The following PDE1C variants were observed in gnomAD, a reference collection of about 807,000 sequenced individuals.
PDE1C encodes dual specificity calcium/calmodulin-dependent 3',5'-cyclic nucleotide phosphodiesterase 1C.
A neutral mutation model predicts 93.1 loss-of-function variants in PDE1C; 62 were observed. The ratio of observed to expected loss-of-function variants is 0.67; its 90% CI spans 0.54 to 0.82. The LOEUF (loss-of-function observed/expected upper bound fraction) is 0.82. Ranked by LOEUF, PDE1C falls within the 40% of genes least tolerant of loss-of-function variation. PDE1C has a pLI of 0.00. For missense variants in PDE1C, 742 were observed against 884.6 expected (o/e 0.84, Z 2.04); for synonymous variants, 325 against 310.1 (o/e 1.05, Z -0.50).
intron 2 of PDE1C, among the ~76,000 whole-genome samples, chr7:31,961,812 A>C (rs1248328168): frequency 1.3e-5 from 2 of 152,202 alleles, no homozygotes; most frequent in Non-Finnish European, 2.9e-5. Flanking sequence ...AAAAACCAAC[A>C]CCAATAAAAA....
chr7:31,830,140 G>A (rs1790195910), intron 11 of PDE1C, among the ~76,000 whole-genome samples: 1 of 151,364 alleles, frequency 6.6e-6, no homozygotes, highest in Non-Finnish European at 1.5e-5. Flanking sequence ...ACTAATAAAA[G>A]CTTATTTTTA....
intron 1 of PDE1C, among the ~76,000 whole-genome samples, chr7:32,305,666 G>A (rs1227924284): frequency 6.6e-6 from 1 of 152,166 alleles, no homozygotes; most frequent in African/African-American, 2.4e-5. Context: ...CTTTCCAGCT[G>A]TCCCTGTAGA....
chr7:31,996,527 A>C (rs1784751254), intron 2 of PDE1C, among the ~76,000 whole-genome samples: 1 of 152,228 alleles, frequency 6.6e-6, no homozygotes, highest in African/African-American at 2.4e-5. Context: ...ATTATAGAAT[A>C]AAGTCAGTGA....
chr7:31,770,005 C>T (rs919893775), intron 17 of PDE1C, among the ~76,000 whole-genome samples: 1 of 152,170 alleles, frequency 6.6e-6, no homozygotes. Context: ...AGTGGCTGCA[C>T]CATTTTACAT....
intron 16 of PDE1C, 139 bp downstream of exon 16, chr7:31,808,892 C>T: frequency 1.8e-6 from 1 of 548,882 alleles, no homozygotes. Context: ...ATAATAGTAC[C>T]CTTTAAATAT....
At chr7:32,425,380 T>A (rs1583439479) in intron 1 of PDE1C, among the ~76,000 whole-genome samples, 2 of 152,116 alleles carry the variant, frequency 1.3e-5, no homozygotes, top group Admixed American at 1.3e-4. Context: ...ATACCACTCT[T>A]TTCAAAAAGA....
At chr7:31,843,010 T>C in intron 9 of PDE1C, among the ~76,000 whole-genome samples, 1 of 152,008 alleles carries the variant, frequency 6.6e-6, no homozygotes, top group African/African-American at 2.4e-5. Flanking sequence ...TAGAAGAATG[T>C]TGTTTAATTT....
rs80187855 is a variant in PDE1C at position 31,807,837 on chromosome 7, T to C, written c.1891+1194A>G. 6.1e-3 allele frequency among the ~76,000 whole-genome samples: 929 copies of C among 152,076 alleles called. 7 individuals are homozygous for C. The highest frequency in any genetic ancestry group is 0.021 in the African/African-American group (878 of 41,532). On this transcript the variant is annotated intron_variant, in intron 16 of 17. Coordinates refer to ENST00000396191, the MANE Select transcript of PDE1C (RefSeq NM_001191057.4). The stretch of plus-strand genomic sequence containing the variant: ...GCTCAGAGACTGTCATTCTAAATTC[T>C]ATTTTGTTCTGTGTAATTTACTTCT...
intron 2 of PDE1C, among the ~76,000 whole-genome samples, chr7:32,026,899 G>A (rs887674642): frequency 1.3e-5 from 2 of 152,032 alleles, no homozygotes; most frequent in South Asian, 2.1e-4. Flanking sequence ...ATTGCTGAGT[G>A]GAAGAACCAA....
At chr7:31,643,763 G>A in the PDE1C span, 1 of 1,614,010 alleles carries the variant, frequency 6.2e-7, no homozygotes, top group Non-Finnish European at 8.5e-7. Flanking sequence ...ATGGGCACCT[G>A]CCATGCTATA....
At chr7:32,267,825 C>T (rs755572543) in intron 1 of PDE1C, among the ~76,000 whole-genome samples, 1 of 152,114 alleles carries the variant, frequency 6.6e-6, no homozygotes, top group Non-Finnish European at 1.5e-5. Flanking sequence ...CAGTTATGAC[C>T]CCTCCATCCA....
intron 1 of PDE1C, among the ~76,000 whole-genome samples, chr7:32,411,949 C>T (rs745595605): frequency 4.0e-5 from 6 of 151,686 alleles, no homozygotes; most frequent in Non-Finnish European, 7.4e-5. Context: ...CCTAGGCCTA[C>T]GCAGGGTCAA....
chr7:31,619,160 C>T, the PDE1C span, among the ~76,000 whole-genome samples: 3 of 152,200 alleles, frequency 2.0e-5, no homozygotes, highest in Non-Finnish European at 4.4e-5. Context: ...TTTAGCTGCT[C>T]TTGCTTTTCT....
At chr7:31,826,846 A>G (rs1348290780) in intron 12 of PDE1C, among the ~76,000 whole-genome samples, 1 of 152,206 alleles carries the variant, frequency 6.6e-6, no homozygotes, top group Admixed American at 6.5e-5. Flanking sequence ...TCTGTAAAGG[A>G]CCAGATAGTT....
At chr7:31,660,885 ATATG>A in the PDE1C span, among the ~76,000 whole-genome samples, 3 of 150,680 alleles carry the variant, frequency 2.0e-5, no homozygotes, top group East Asian at 3.9e-4. Context: ...TAATATACAC[ATATG>A]TATGTGTATA....
chr7:31,982,495 A>AT (rs1812514055), intron 2 of PDE1C, among the ~76,000 whole-genome samples: 1 of 152,230 alleles, frequency 6.6e-6, no homozygotes, highest in Non-Finnish European at 1.5e-5. Flanking sequence ...ACAAGAATCA[A>AT]TACTGTCATC....
chr7:32,005,555 CAAAAAAAAAAAAAAA>C lies in PDE1C; in HGVS notation c.128+45984_128+45998del, dbSNP rs59246166. On this transcript the variant is annotated intron_variant, in intron 2 of 17. Coordinates refer to ENST00000396191, the MANE Select transcript of PDE1C (RefSeq NM_001191057.4). Reference sequence around the variant, plus strand: ...TGGGCGACAGAGCGAGACTCCATTTCAAAAAAAAAAAAAAAAAAAAAAAAAAGAATTGTGATCTGA... The same window carrying C: ...TGGGCGACAGAGCGAGACTCCATTTCAAAAAAAAAAAGAATTGTGATCTGA... Among the ~76,000 whole-genome samples the C allele has an allele frequency of 1.2e-4, 6 of 50,762 alleles. No individual in the cohort carries two copies. In the East Asian group the frequency reaches 3.7e-3, roughly 31 times the overall value. 33.3% of individuals were successfully genotyped at this position (50,762 alleles called of 152,430 possible).
chr7:31,724,421 A>G, the PDE1C span, among the ~76,000 whole-genome samples: 1 of 152,224 alleles, frequency 6.6e-6, no homozygotes, highest in African/African-American at 2.4e-5. Flanking sequence ...AAAAGTCTCA[A>G]TGTGGTCATT....
At position 32,070,373 on chromosome 7, in the gene PDE1C, C is replaced by A. The variant is rs1044131838; in HGVS notation, c.21G>T (p.Glu7Asp). Residue 7 changes from glutamate to aspartate, a missense_variant, in exon 1 of 18, where the codon GAG (glutamate) becomes GAT (aspartate). Physicochemically the swap from Glu to Asp is conservative, Grantham distance 45. Coordinates refer to ENST00000396191, the MANE Select transcript of PDE1C (RefSeq NM_001191057.4). Reference sequence around the variant, plus strand: ...GAGAGTTGCTCTCAAATTCTTCAATCTCCTTGGTTGGCGACTCCATAGCTG... The same window carrying A: ...GAGAGTTGCTCTCAAATTCTTCAATATCCTTGGTTGGCGACTCCATAGCTG... MESPTKEIEEFESNSLK... is the reference protein window; with the variant it reads MESPTKDIEEFESNSLK... 1.4e-5 allele frequency: 22 copies of A among 1,614,212 alleles called. No individual in the cohort carries two copies. Among genetic ancestry groups the A allele is most frequent in the Middle Eastern group, 1.7e-4 (1 of 6,056 alleles).
Sources: gnomAD v4.1 joint callset for allele counts (sites outside exome capture counted in the v4.1 genomes callset) on GRCh38, gnomAD v4.1.1 for gene constraint, MANE v1.5 for transcripts, NCBI Gene and HGNC (gene_info 2026-07-23, HGNC 2026-07-21) for gene names.